AMOT: variants seen among roughly 807,000 people sequenced by gnomAD.
AMOT encodes angiomotin.
AMOT carries 11 observed loss-of-function variants against 67.0 expected under a neutral mutation model. The observed-to-expected ratio is 0.16, with a 90% CI of 0.10 to 0.27. The LOEUF (loss-of-function observed/expected upper bound fraction) is 0.27, where lower values mean the gene tolerates loss of function less well. Ranked by LOEUF, AMOT falls within the 10% of genes least tolerant of loss-of-function variation. The pLI, the probability that AMOT is intolerant of heterozygous loss-of-function variation, is 1.00. For synonymous variants in AMOT, 326 were observed against 321.4 expected, an observed-to-expected ratio of 1.01 and a Z score of -0.15; for missense variants, 753 against 852.0, an observed-to-expected ratio of 0.88 and a Z score of 1.45.
intron 13 of AMOT, 73 bp downstream of exon 13, chrX:112,778,924 C>G: frequency 1.9e-6 from 2 of 1,030,062 alleles, no homozygotes; most frequent in East Asian, 3.0e-5. Flanking sequence ...GCCCAGACAT[C>G]AGACAACAAG....
intron 4 of AMOT, among the ~76,000 whole-genome samples, 160 bp from the exon 5 acceptor site, chrX:112,816,037 C>T (rs73544277): frequency 0.11 from 12,431 of 109,899 alleles, 826 homozygotes; most frequent in African/African-American, 0.22. Context: ...ACCCTGCCTG[C>T]TCTATCTCTG....
At chrX:112,796,900 C>A (rs910916388) in intron 8 of AMOT, among the ~76,000 whole-genome samples, 1 of 111,523 alleles carries the variant, frequency 9.0e-6, no homozygotes, top group African/African-American at 3.3e-5. Flanking sequence ...TGCTAAATAG[C>A]CCACAATACA....
chrX:112,835,296 G>C (rs1013127556), intron 1 of AMOT, among the ~76,000 whole-genome samples: 1 of 111,423 alleles, frequency 9.0e-6, no homozygotes, highest in African/African-American at 3.3e-5. Context: ...AGTCACACAG[G>C]CTAATGATAT....
At chrX:112,797,161 G>GTCA (rs201153019) in intron 8 of AMOT, among the ~76,000 whole-genome samples, 2,772 of 111,441 alleles carry the variant, frequency 0.025, 50 homozygotes, top group Non-Finnish European at 0.041. Context: ...TGATAGTTCA[G>GTCA]TCATCATCAT....
chrX:112,838,080 T>C (rs1935173814), intron 1 of AMOT, among the ~76,000 whole-genome samples: 1 of 111,528 alleles, frequency 9.0e-6, no homozygotes, highest in African/African-American at 3.3e-5. Flanking sequence ...TCAGTCTCCA[T>C]GGAGGAGGCT....
At chrX:112,805,370 TACACACACACACACACACACACACAC>T (rs55909349) in intron 7 of AMOT, among the ~76,000 whole-genome samples, 1 of 89,581 alleles carries the variant, frequency 1.1e-5, no homozygotes, top group African/African-American at 4.0e-5. Flanking sequence ...ATACAAAGAA[TACACACACACACACACACACACACAC>T]ACACACACAC....
intron 4 of AMOT, among the ~76,000 whole-genome samples, chrX:112,821,043 GAAA>G (rs60885965): frequency 1.8e-5 from 2 of 109,670 alleles, no homozygotes; most frequent in African/African-American, 6.7e-5. Flanking sequence ...ACCTGCAGGG[GAAA>G]AAAAAGAAAT....
intron 7 of AMOT, among the ~76,000 whole-genome samples, chrX:112,806,651 G>C (rs1748740048): frequency 9.0e-6 from 1 of 111,035 alleles, no homozygotes; most frequent in Admixed American, 9.6e-5. Flanking sequence ...GAGAATGAAG[G>C]AACATGATCA....
chrX:112,799,688 G>A (rs1429199860), intron 8 of AMOT, among the ~76,000 whole-genome samples: 1 of 111,210 alleles, frequency 9.0e-6, no homozygotes, highest in Non-Finnish European at 1.9e-5. Flanking sequence ...AGTAGGCTGT[G>A]GTCCACTGGT....
chrX:112,780,411 C>T lies in AMOT; in HGVS notation c.2473+475G>A, dbSNP rs865891864. 7.8e-5 allele frequency: 10 copies of T among 127,782 alleles called. No homozygotes were observed. In the Middle Eastern group the frequency reaches 0.015, roughly 196 times the overall value. The allele number at this position is 127,782 out of a possible 1,213,427, so 10.5% of individuals were successfully genotyped here. On this transcript the variant is annotated intron_variant, in intron 12 of 13. Coordinates refer to ENST00000371959, the MANE Select transcript of AMOT (RefSeq NM_001113490.2). The stretch of plus-strand genomic sequence containing the variant: ...GGAATGAAAAAGTACATTCTGTTCT[C>T]ATCTCACAACACTGTGGGAACAAAA...
chrX:112,789,656 C>T (rs1933501177), intron 10 of AMOT, among the ~76,000 whole-genome samples: 1 of 110,803 alleles, frequency 9.0e-6, no homozygotes, highest in African/African-American at 3.3e-5. Flanking sequence ...CTGGCAAGCA[C>T]TTCCAGACTC....
chrX:112,784,450 A>G (rs1025547821), intron 10 of AMOT, among the ~76,000 whole-genome samples: 9 of 112,318 alleles, frequency 8.0e-5, no homozygotes, highest in African/African-American at 2.6e-4. Context: ...CACTCAACAA[A>G]GCTATTATTA....
At chrX:112,817,056 C>T (rs1232332757) in intron 4 of AMOT, among the ~76,000 whole-genome samples, 1 of 111,905 alleles carries the variant, frequency 8.9e-6, no homozygotes, top group Non-Finnish European at 1.9e-5. Context: ...CCCAATTAAC[C>T]TCATATGCTC....
At chrX:112,804,898 T>TGCCAC in intron 8 of AMOT, 49 bp downstream of exon 8, 1 of 837,585 alleles carries the variant, frequency 1.2e-6, no homozygotes, top group Non-Finnish European at 1.7e-6. Flanking sequence ...GTCCCCGATT[T>TGCCAC]CCCAGCCCTC....
At chrX:112,790,525 T>C in intron 10 of AMOT, 67 bp downstream of exon 10, 1 of 1,069,839 alleles carries the variant, frequency 9.3e-7, no homozygotes, top group South Asian at 2.5e-5. Flanking sequence ...AATAAAACAC[T>C]GGAAAAATCT....
Position 112,780,917 on chromosome X carries a change from C to T in AMOT, c.2442G>A (p.Lys814=), listed in dbSNP as rs1308452515. Residue 814 remains lysine, a synonymous_variant, in exon 12 of 14, where the codon AAG becomes AAA. Transcript: ENST00000371959. ...TCCCCTTCCAGCTCTTGTCGTCTCG[C>T]TTTTCTTCCATGATGGGGGAGCCAG... is the stretch of plus-strand genomic sequence containing the variant. ...TLTGSPIMEE[K]RDDKSWKGSL... The T allele has an allele frequency of 8.3e-7, 1 of 1,210,233 alleles. No individual in the cohort carries two copies. Among genetic ancestry groups the T allele is most frequent in the Non-Finnish European group, 1.1e-6 (1 of 895,285 alleles).
At chrX:112,780,242 A>T (rs1259648727) in intron 12 of AMOT, 1 of 112,636 alleles carries the variant, frequency 8.9e-6, no homozygotes, top group Non-Finnish European at 1.9e-5. Flanking sequence ...CAAGTATCAG[A>T]GGACCAAGAA....
intron 8 of AMOT, among the ~76,000 whole-genome samples, chrX:112,802,465 G>A (rs1934045804): frequency 4.5e-5 from 5 of 112,248 alleles, no homozygotes; most frequent in Admixed American, 1.9e-4. Flanking sequence ...TCTTCCAAGC[G>A]TTTATATGTG....
chrX:112,793,805 A>T (rs1933700245), intron 8 of AMOT, among the ~76,000 whole-genome samples: 1 of 111,260 alleles, frequency 9.0e-6, no homozygotes, highest in African/African-American at 3.3e-5. Flanking sequence ...ACACCATCAA[A>T]CTCTTTACCT....
Sources: gnomAD v4.1 joint callset for allele counts (sites outside exome capture counted in the v4.1 genomes callset) on GRCh38, gnomAD v4.1.1 for gene constraint, MANE v1.5 for transcripts, NCBI Gene and HGNC (gene_info 2026-07-23, HGNC 2026-07-21) for gene names.